RNF217: variants seen among roughly 807,000 people sequenced by gnomAD.
RNF217 encodes E3 ubiquitin-protein ligase RNF217.
A neutral mutation model predicts 57.8 loss-of-function variants in RNF217; 31 were observed. The ratio of observed to expected loss-of-function variants is 0.54; its 90% CI spans 0.40 to 0.72. RNF217 has a LOEUF of 0.72. Ranked by LOEUF, RNF217 falls within the 30% of genes least tolerant of loss-of-function variation. The pLI is 0.00. For missense variants in RNF217, 696 were observed against 708.3 expected (o/e 0.98, Z 0.20); for synonymous variants, 313 against 294.0 (o/e 1.06, Z -0.66).
chr6:124,992,674 A>G (rs924167341), intron 1 of RNF217, among the ~76,000 whole-genome samples: 4 of 152,208 alleles, frequency 2.6e-5, no homozygotes, highest in Non-Finnish European at 1.5e-5. Flanking sequence ...TTTGAATGAT[A>G]AAAGTACATT....
intron 1 of RNF217, among the ~76,000 whole-genome samples, chr6:125,001,286 T>C (rs1784971640): frequency 6.6e-6 from 1 of 152,186 alleles, no homozygotes; most frequent in African/African-American, 2.4e-5. Context: ...TTACCAGTTT[T>C]TGTGTGTTTG....
At chr6:124,982,732 T>A (rs992044146) in intron 1 of RNF217, among the ~76,000 whole-genome samples, 2 of 152,230 alleles carry the variant, frequency 1.3e-5, no homozygotes, top group African/African-American at 4.8e-5. Context: ...GGTTTCTAGA[T>A]GATATGCAAA....
At chr6:124,985,021 T>C (rs1245165362) in intron 1 of RNF217, among the ~76,000 whole-genome samples, 1 of 152,156 alleles carries the variant, frequency 6.6e-6, no homozygotes, top group Non-Finnish European at 1.5e-5. Context: ...TTTAATGACA[T>C]TAATGGCCAA....
In RNF217 at chr6:125,090,160, TA is replaced by T. The variant is rs1269033056; in HGVS notation, c.*7224del. On this transcript the variant is annotated 3_prime_UTR_variant, in exon 6 of 6. Transcript: ENST00000521654. ...CCAACCTTATGTTTCACGTGAAACA[TA>T]GAATAATAATTAGTTTGTATATATA... 2.0e-5 allele frequency: 3 copies of T among 152,136 alleles called. No individual in the cohort carries two copies. The highest frequency in any genetic ancestry group is 7.2e-5 in the African/African-American group (3 of 41,452). The allele number at this position is 152,136 out of a possible 1,614,324, so 9.4% of individuals were successfully genotyped here.
intron 1 of RNF217, among the ~76,000 whole-genome samples, chr6:125,037,136 C>CTACTTAATGTACTAATG (rs1786668263): frequency 6.7e-6 from 1 of 149,368 alleles, no homozygotes; most frequent in South Asian, 2.1e-4. Flanking sequence ...TGGTATTGTT[C>CTACTTAATGTACTAATG]TATTCTCTTT....
chr6:124,991,588 T>G (rs1784563132), intron 1 of RNF217, among the ~76,000 whole-genome samples: 1 of 152,250 alleles, frequency 6.6e-6, no homozygotes, highest in Non-Finnish European at 1.5e-5. Context: ...ATAAGAATTT[T>G]GTTTGGTTTT....
At chr6:125,021,268 C>CT (rs3080911) in intron 1 of RNF217, among the ~76,000 whole-genome samples, 164 of 130,294 alleles carry the variant, frequency 1.3e-3, no homozygotes, top group African/African-American at 4.0e-3. Flanking sequence ...ATGGAAAAAG[C>CT]TTTTTTTTTT....
chr6:125,043,646 C>T (rs903983447), intron 1 of RNF217, among the ~76,000 whole-genome samples: 2 of 151,952 alleles, frequency 1.3e-5, no homozygotes, highest in Non-Finnish European at 1.5e-5. Context: ...ACAAAAATCT[C>T]CTGAGAAGTT....
At chr6:125,068,863 G>A (rs1788034814) in intron 3 of RNF217, among the ~76,000 whole-genome samples, 1 of 152,106 alleles carries the variant, frequency 6.6e-6, no homozygotes, top group Non-Finnish European at 1.5e-5. Flanking sequence ...ATGAAAAGGT[G>A]AAGGTAATCA....
At chr6:125,081,528 C>A (rs751132420) in intron 5 of RNF217, 21 bp downstream of exon 5, 4 of 1,583,978 alleles carry the variant, frequency 2.5e-6, no homozygotes, top group Non-Finnish European at 2.6e-6. Context: ...CTTCATGCAT[C>A]TGAGATTAGA....
At chr6:125,032,953 TATG>T (rs1411658562) in intron 1 of RNF217, among the ~76,000 whole-genome samples, 1 of 152,184 alleles carries the variant, frequency 6.6e-6, no homozygotes, top group African/African-American at 2.4e-5. Context: ...CTTTAAGTAC[TATG>T]ATAACTCTTT....
At chr6:125,045,117 G>A (rs531328036) in intron 1 of RNF217, 94 bp from the exon 2 acceptor site, 243 of 726,392 alleles carry the variant, frequency 3.3e-4, no homozygotes, top group Admixed American at 1.4e-3. Context: ...CCTTTATTGC[G>A]GTCATGAAAT....
chr6:124,974,430 A>G (rs1226760104), intron 1 of RNF217, among the ~76,000 whole-genome samples: 2 of 152,182 alleles, frequency 1.3e-5, no homozygotes. Context: ...AATAATACAG[A>G]TTCATGTAGT....
intron 1 of RNF217, among the ~76,000 whole-genome samples, chr6:124,980,564 T>C (rs1784126709): frequency 1.3e-5 from 2 of 152,238 alleles, no homozygotes; most frequent in African/African-American, 4.8e-5. Context: ...TCTAATTCTT[T>C]TTTTATATAA....
At chr6:124,995,877 G>A (rs993809639) in intron 1 of RNF217, among the ~76,000 whole-genome samples, 5 of 152,204 alleles carry the variant, frequency 3.3e-5, no homozygotes, top group East Asian at 3.9e-4. Context: ...AGCCGAGATC[G>A]TGTCATTGCA....
chr6:124,988,658 T>C (rs1431606803), intron 1 of RNF217, among the ~76,000 whole-genome samples: 1 of 152,222 alleles, frequency 6.6e-6, no homozygotes, highest in Non-Finnish European at 1.5e-5. Context: ...TTTTAACACA[T>C]TTTAGCAGAT....
intron 3 of RNF217, among the ~76,000 whole-genome samples, chr6:125,061,106 G>A (rs1161505729): frequency 6.6e-6 from 1 of 151,920 alleles, no homozygotes; most frequent in Non-Finnish European, 1.5e-5. Flanking sequence ...TTAAAAAATT[G>A]TGTATTATAA....
intron 2 of RNF217, among the ~76,000 whole-genome samples, chr6:125,056,260 T>A (rs953755388): frequency 2.0e-4 from 30 of 152,274 alleles, no homozygotes; most frequent in African/African-American, 7.0e-4. Context: ...TGTGTTACCT[T>A]CAGCAAGTTA....
At chr6:125,075,771 A>G (rs961201416) in intron 3 of RNF217, among the ~76,000 whole-genome samples, 5 of 152,324 alleles carry the variant, frequency 3.3e-5, no homozygotes, top group Admixed American at 3.3e-4. Context: ...GTACGCACAG[A>G]TAAAGATGGC....
Sources: allele counts gnomAD v4.1 joint callset (sites outside exome capture counted in the v4.1 genomes callset), GRCh38; gene constraint gnomAD v4.1.1; transcripts MANE v1.5; gene names NCBI Gene and HGNC (gene_info 2026-07-23, HGNC 2026-07-21).